Variants in MAST4 observed in about 807,000 individuals in gnomAD.
MAST4 encodes microtubule-associated serine/threonine-protein kinase 4.
A neutral mutation model predicts 162.7 loss-of-function variants in MAST4; 89 were observed. That is an observed-to-expected ratio of 0.55 (90% confidence interval 0.46 to 0.65). MAST4 has a LOEUF of 0.65. Among genes scored for constraint, MAST4 ranks in the 30% least tolerant of loss-of-function variants. The pLI is 0.00. For missense variants in MAST4, 3,153 were observed against 3,374.0 expected (o/e 0.93, Z 1.62); for synonymous variants, 1,479 against 1,361.1 (o/e 1.09, Z -1.91).
chr5:66,722,279 C>T (rs1277649912), intron 1 of MAST4, among the ~76,000 whole-genome samples: 1 of 152,078 alleles, frequency 6.6e-6, no homozygotes, highest in Non-Finnish European at 1.5e-5. Flanking sequence ...TTAGATGTGC[C>T]ATGCTCTTGC....
rs11323919 is a variant in MAST4, at chr5:67,019,159, AT to A, written c.675-35244del. On this transcript the variant is annotated intron_variant, in intron 4 of 28. Coordinates refer to ENST00000403625, the MANE Select transcript of MAST4 (RefSeq NM_001164664.2). Reference sequence around the variant, plus strand: ...TAGAAATTTTTAAAAAACCTATAATATACAAGAAGACTGGGGCGGGTTGATG... The same window carrying A: ...TAGAAATTTTTAAAAAACCTATAATAACAAGAAGACTGGGGCGGGTTGATG... Among the ~76,000 whole-genome samples, 1,434 of 152,310 alleles carry A rather than the reference AT, an allele frequency of 9.4e-3. 17 individuals carry two copies. Among genetic ancestry groups the A allele is most frequent in the African/African-American group, 0.032 (1,334 of 41,550 alleles).
At chr5:66,808,171 A>G (rs1254199228) in intron 3 of MAST4, among the ~76,000 whole-genome samples, 1 of 152,202 alleles carries the variant, frequency 6.6e-6, no homozygotes, top group Non-Finnish European at 1.5e-5. Context: ...TGTTCAGTCC[A>G]GCGGAATTTT....
At chr5:66,741,768 G>T (rs961279744) in intron 1 of MAST4, among the ~76,000 whole-genome samples, 1 of 152,184 alleles carries the variant, frequency 6.6e-6, no homozygotes, top group Non-Finnish European at 1.5e-5. Context: ...TCTGGCAGCT[G>T]TAATGATACT....
At chr5:66,695,148 T>G (rs932493834) in intron 1 of MAST4, among the ~76,000 whole-genome samples, 3 of 152,242 alleles carry the variant, frequency 2.0e-5, no homozygotes, top group African/African-American at 7.2e-5. Flanking sequence ...TTTTATAGTT[T>G]TGCATTTTAC....
intron 1 of MAST4, among the ~76,000 whole-genome samples, chr5:66,648,265 TG>T (rs1481967092): frequency 1.3e-5 from 2 of 152,102 alleles, no homozygotes; most frequent in Admixed American, 6.6e-5. Context: ...TTCTGTGCTA[TG>T]ATTAGAACAA....
At chr5:66,962,384 G>T (rs1746124663) in intron 4 of MAST4, among the ~76,000 whole-genome samples, 1 of 152,194 alleles carries the variant, frequency 6.6e-6, no homozygotes, top group African/African-American at 2.4e-5. Flanking sequence ...TTCAAGTTCG[G>T]CCTGGGAGGC....
At chr5:67,056,024 G>T (rs1431658086) in intron 5 of MAST4, among the ~76,000 whole-genome samples, 2 of 145,858 alleles carry the variant, frequency 1.4e-5, no homozygotes, top group Admixed American at 6.9e-5. Context: ...ATATGTACAT[G>T]ATATATATTA....
chr5:66,678,100 T>C (rs777307872), intron 1 of MAST4, among the ~76,000 whole-genome samples: 19 of 152,084 alleles, frequency 1.2e-4, no homozygotes, highest in Non-Finnish European at 2.2e-4. Flanking sequence ...CTAATCTAAT[T>C]TGCTGCAACA....
chr5:66,788,606 C>CCCCACCA, intron 2 of MAST4, 64 bp from the exon 3 acceptor site: 1 of 1,356,384 alleles, frequency 7.4e-7, no homozygotes, highest in Non-Finnish European at 1.0e-6. Context: ...ACCCCCACCC[C>CCCCACCA]CATTGCAATA....
chr5:66,803,895 G>A (rs551361982), intron 3 of MAST4, among the ~76,000 whole-genome samples: 119 of 151,580 alleles, frequency 7.9e-4, no homozygotes, highest in African/African-American at 2.8e-3. Flanking sequence ...ATCATAAAGA[G>A]AATGCTTTCC....
intron 4 of MAST4, chr5:67,005,230 G>C: frequency 1.5e-6 from 1 of 646,654 alleles, no homozygotes; most frequent in Non-Finnish European, 2.8e-6. Flanking sequence ...AGGGGAGGGG[G>C]TACTGTTTCA....
intron 1 of MAST4, among the ~76,000 whole-genome samples, chr5:66,612,737 T>C (rs1743375263): frequency 6.6e-6 from 1 of 152,188 alleles, no homozygotes; most frequent in African/African-American, 2.4e-5. Context: ...GGATTTTCCA[T>C]GGTGCCTTGA....
At chr5:66,941,128 G>A (rs1743318480) in intron 4 of MAST4, among the ~76,000 whole-genome samples, 1 of 152,098 alleles carries the variant, frequency 6.6e-6, no homozygotes, top group Non-Finnish European at 1.5e-5. Context: ...TGGAGCACAG[G>A]CAGAGCAGAT....
At chr5:67,011,968 G>T (rs896265555) in intron 4 of MAST4, among the ~76,000 whole-genome samples, 2 of 151,934 alleles carry the variant, frequency 1.3e-5, no homozygotes, top group Non-Finnish European at 2.9e-5. Flanking sequence ...AGCATATGCT[G>T]CATGGGGAGG....
intron 4 of MAST4, among the ~76,000 whole-genome samples, chr5:67,009,585 T>C (rs992098320): frequency 2.0e-5 from 3 of 152,262 alleles, no homozygotes; most frequent in African/African-American, 7.2e-5. Flanking sequence ...TTAAAATGCA[T>C]TCATATGTGT....
intron 1 of MAST4, among the ~76,000 whole-genome samples, chr5:66,732,528 G>T (rs1163415451): frequency 2.0e-5 from 3 of 152,194 alleles, no homozygotes; most frequent in African/African-American, 7.2e-5. Context: ...TGATCACTTT[G>T]TGCTATAGTT....
intron 4 of MAST4, among the ~76,000 whole-genome samples, chr5:67,049,057 A>ATT (rs1757820116): frequency 9.4e-6 from 1 of 106,282 alleles, no homozygotes; most frequent in Admixed American, 9.6e-5. Context: ...ATATATATAT[A>ATT]TACGTATATA....
intron 5 of MAST4, among the ~76,000 whole-genome samples, chr5:67,055,960 A>G (rs1758754930): frequency 1.3e-5 from 2 of 151,402 alleles, no homozygotes; most frequent in African/African-American, 4.8e-5. Flanking sequence ...TAAGCCTTTC[A>G]TATAAAGTTA....
intron 5 of MAST4, among the ~76,000 whole-genome samples, chr5:67,078,884 ATTT>A (rs1561621616): frequency 6.3e-5 from 6 of 95,796 alleles, no homozygotes; most frequent in Non-Finnish European, 1.1e-4. Context: ...ATATAAATAT[ATTT>A]ATATATTTAT....
Sources: gnomAD v4.1 joint callset for allele counts (sites outside exome capture counted in the v4.1 genomes callset) on GRCh38, gnomAD v4.1.1 for gene constraint, MANE v1.5 for transcripts, NCBI Gene and HGNC (gene_info 2026-07-23, HGNC 2026-07-21) for gene names.